KAZN: variants seen among roughly 807,000 people sequenced by gnomAD.
The protein encoded by KAZN is kazrin, periplakin interacting protein, also known as kazrin.
Under a neutral mutation model 87.4 loss-of-function variants are expected in KAZN, and 40 were observed. That is an observed-to-expected ratio of 0.46 (90% CI 0.36 to 0.60). The LOEUF (loss-of-function observed/expected upper bound fraction) is 0.60. Among genes scored for constraint, KAZN ranks in the 20% least tolerant of loss-of-function variants. KAZN has a pLI of 0.00. For synonymous variants in KAZN, 466 were observed against 458.3 expected (o/e 1.02, Z -0.22); for missense variants, 898 against 1,073.9 (o/e 0.84, Z 2.29).
chr1:14,756,312 A>G (rs986536563), intron 1 of KAZN, among the ~76,000 whole-genome samples: 17 of 152,196 alleles, frequency 1.1e-4, no homozygotes, highest in Non-Finnish European at 2.1e-4. Context: ...CTTCCATCTA[A>G]TGGATTCCTT....
chr1:14,274,963 G>T (rs1013544813), intron 2 of KAZN, among the ~76,000 whole-genome samples: 1 of 151,848 alleles, frequency 6.6e-6, no homozygotes, highest in African/African-American at 2.4e-5. Flanking sequence ...AAATGTAAGG[G>T]TTGTATGGGA....
chr1:14,962,020 G>A (rs1390881375), intron 2 of KAZN, among the ~76,000 whole-genome samples: 1 of 152,228 alleles, frequency 6.6e-6, no homozygotes, highest in Non-Finnish European at 1.5e-5. Context: ...AGAGGGTTCT[G>A]GGAAATGTAG....
chr1:15,070,127 A>C (rs1182109549), intron 8 of KAZN, among the ~76,000 whole-genome samples: 3 of 151,698 alleles, frequency 2.0e-5, no homozygotes, highest in Non-Finnish European at 4.4e-5. Flanking sequence ...GCCCTGAACC[A>C]CTCCACCGTC....
chr1:14,924,706 C>A (rs372699762), intron 1 of KAZN: 10 of 375,354 alleles, frequency 2.7e-5, no homozygotes, highest in Admixed American at 1.9e-4. Context: ...GCGCGCGGAG[C>A]CCCGAGCCCC....
At chr1:14,807,746 G>A (rs1394059013) in intron 1 of KAZN, among the ~76,000 whole-genome samples, 1 of 152,128 alleles carries the variant, frequency 6.6e-6, no homozygotes, top group Non-Finnish European at 1.5e-5. Context: ...TGCAGCCTGG[G>A]TGACAGAGTA....
intron 2 of KAZN, among the ~76,000 whole-genome samples, chr1:14,448,163 A>G (rs1416914022): frequency 6.6e-6 from 1 of 152,196 alleles, no homozygotes; most frequent in African/African-American, 2.4e-5. Context: ...CTCCCCTTTC[A>G]ATCTTCATAC....
At chr1:14,561,339 C>A (rs1183492390) in intron 2 of KAZN, among the ~76,000 whole-genome samples, 1 of 152,180 alleles carries the variant, frequency 6.6e-6, no homozygotes, top group Non-Finnish European at 1.5e-5. Context: ...ATGGAAGGGA[C>A]AGAAAAGGCA....
intron 2 of KAZN, among the ~76,000 whole-genome samples, chr1:14,296,890 G>A (rs1237255122): frequency 6.6e-6 from 1 of 152,114 alleles, no homozygotes; most frequent in Non-Finnish European, 1.5e-5. Context: ...GCTTCCCAAA[G>A]TGCTGGGATT....
chr1:14,245,217 G>C (rs568850578), intron 2 of KAZN, among the ~76,000 whole-genome samples: 1 of 151,766 alleles, frequency 6.6e-6, no homozygotes, highest in African/African-American at 2.4e-5. Context: ...CTCCCACCTC[G>C]GCCTCAGGAA....
intron 1 of KAZN, among the ~76,000 whole-genome samples, chr1:13,952,457 T>G (rs774388690): frequency 4.6e-5 from 7 of 152,066 alleles, no homozygotes; most frequent in Non-Finnish European, 8.8e-5. Flanking sequence ...ACAATTGGCC[T>G]GGGAGGCTCA....
chr1:14,530,261 G>A (rs1672135284), intron 2 of KAZN, among the ~76,000 whole-genome samples: 1 of 152,180 alleles, frequency 6.6e-6, no homozygotes, highest in Non-Finnish European at 1.5e-5. Flanking sequence ...ACCCAAAGCA[G>A]ACTGAGCTCA....
chr1:14,466,588 A>G (rs1055195741), intron 2 of KAZN, among the ~76,000 whole-genome samples: 1 of 151,430 alleles, frequency 6.6e-6, no homozygotes, highest in Non-Finnish European at 1.5e-5. Context: ...GCAGCAAACC[A>G]CCATTGCATA....
At chr1:14,933,853 T>C (rs1363912343) in intron 1 of KAZN, among the ~76,000 whole-genome samples, 1 of 150,810 alleles carries the variant, frequency 6.6e-6, no homozygotes, top group Non-Finnish European at 1.5e-5. Flanking sequence ...TTTTTTCTTT[T>C]TTTTTTTTTT....
intron 1 of KAZN, among the ~76,000 whole-genome samples, chr1:14,668,266 G>T (rs2148730428): frequency 6.6e-6 from 1 of 152,314 alleles, no homozygotes; most frequent in South Asian, 2.1e-4. Flanking sequence ...ACTCTGGCCT[G>T]CTCTGTGGGA....
intron 1 of KAZN, among the ~76,000 whole-genome samples, chr1:14,012,764 C>T (rs1640374284): frequency 6.6e-6 from 1 of 152,204 alleles, no homozygotes; most frequent in South Asian, 2.1e-4. Context: ...ACCACTCCAA[C>T]CAATTAAATG....
chr1:14,054,872 G>A (rs1342033536), intron 1 of KAZN, among the ~76,000 whole-genome samples: 1 of 152,202 alleles, frequency 6.6e-6, no homozygotes, highest in Non-Finnish European at 1.5e-5. Flanking sequence ...TTATTTTAAT[G>A]TGATGTGTTC....
At chr1:14,011,912 C>T (rs1640332005) in intron 1 of KAZN, among the ~76,000 whole-genome samples, 1 of 152,148 alleles carries the variant, frequency 6.6e-6, no homozygotes, top group South Asian at 2.1e-4. Context: ...TCTCCTGCAG[C>T]AGTAGTTCTC....
Position 13,915,554 on chromosome 1 carries a change from G to T in KAZN, c.91+21798G>T, listed in dbSNP as rs563858953. Among the ~76,000 whole-genome samples the T allele has an allele frequency of 8.7e-4, 133 of 152,220 alleles. No individual in the cohort carries two copies. The Middle Eastern group carries it at 0.017, about 19-fold the overall frequency. ...CATGCCAATTTCCTCCTCCTTCTCT[G>T]TCCACCACCAGCCCTGGGGCTGTGT... On this transcript the variant is annotated intron_variant, in intron 1 of 16. Transcript: ENST00000636203.
At chr1:14,928,956 C>A (rs571488027) in intron 1 of KAZN, among the ~76,000 whole-genome samples, 1 of 152,360 alleles carries the variant, frequency 6.6e-6, no homozygotes, top group South Asian at 2.1e-4. Flanking sequence ...ATAGTGGGTA[C>A]AGGGCACCAG....
Sources: gnomAD v4.1 joint callset for allele counts (sites outside exome capture counted in the v4.1 genomes callset) on GRCh38, gnomAD v4.1.1 for gene constraint, MANE v1.5 for transcripts, NCBI Gene and HGNC (gene_info 2026-07-23, HGNC 2026-07-21) for gene names.